The following DLG2 variants were observed in gnomAD, a reference collection of about 807,000 sequenced individuals.
DLG2 encodes the protein disks large homolog 2.
In DLG2, 45 loss-of-function variants were observed where a neutral mutation model predicts 132.5. The observed-to-expected ratio is 0.34, with a 90% CI of 0.27 to 0.44. DLG2 has a LOEUF of 0.44. Ranked by LOEUF, DLG2 falls within the 20% of genes least tolerant of loss-of-function variation. The probability of loss-of-function intolerance (pLI) is 1.00; values close to 1 mark genes in which losing one functional copy is unlikely to be tolerated. For missense variants in DLG2, 1,045 were observed against 1,196.9 expected (o/e 0.87, Z 1.87); for synonymous variants, 424 against 419.6 (o/e 1.01, Z -0.13).
intron 17 of DLG2, among the ~76,000 whole-genome samples, chr11:83,797,105 G>T (rs2043005061): frequency 6.6e-6 from 1 of 152,032 alleles, no homozygotes; most frequent in South Asian, 2.1e-4. Context: ...AGAAAGGGAG[G>T]CACATATGGA....
chr11:83,577,857 A>G (rs2096904582), intron 19 of DLG2, among the ~76,000 whole-genome samples: 1 of 121,824 alleles, frequency 8.2e-6, no homozygotes, highest in Admixed American at 1.0e-4. Context: ...TAAATATATA[A>G]TTATATTATA....
At chr11:84,154,069 C>A (rs966883430) in intron 9 of DLG2, among the ~76,000 whole-genome samples, 4 of 152,142 alleles carry the variant, frequency 2.6e-5, no homozygotes, top group African/African-American at 9.7e-5. Context: ...GTGATGTCAG[C>A]TCACTGCAGC....
chr11:83,884,779 C>T (rs542324742), intron 15 of DLG2, among the ~76,000 whole-genome samples: 3 of 152,252 alleles, frequency 2.0e-5, no homozygotes, highest in East Asian at 1.9e-4. Flanking sequence ...CATCAGCATT[C>T]GCGGTTCACA....
At chr11:84,536,350 G>T (rs140320605) in intron 6 of DLG2, among the ~76,000 whole-genome samples, 1 of 151,766 alleles carries the variant, frequency 6.6e-6, no homozygotes, top group East Asian at 1.9e-4. Flanking sequence ...GTTATCATCA[G>T]CCTCTCCTCT....
Position 85,387,247 on chromosome 11 carries a change from A to T in DLG2, c.41-101882T>A, listed in dbSNP as rs558624360. 2.6e-5 allele frequency among the ~76,000 whole-genome samples: 4 copies of T among 152,328 alleles called. No individual in the cohort carries two copies. The East Asian group carries it at 7.7e-4, about 29-fold the overall frequency. ...CATTCCAGTGCACACCAATTATTGC[A>T]AATTGTACTCTACAACATTTTTATA... On this transcript the variant is annotated intron_variant, in intron 3 of 27. Coordinates refer to ENST00000376104, the MANE Select transcript of DLG2 (RefSeq NM_001142699.3).
intron 21 of DLG2, among the ~76,000 whole-genome samples, chr11:83,491,497 T>C (rs1267565948): frequency 6.6e-6 from 1 of 152,062 alleles, no homozygotes; most frequent in African/African-American, 2.4e-5. Flanking sequence ...CCCCCATTTA[T>C]GTTATTTCTA....
chr11:84,749,734 A>G (rs995685788), intron 6 of DLG2, among the ~76,000 whole-genome samples: 2 of 152,158 alleles, frequency 1.3e-5, no homozygotes, highest in Admixed American at 1.3e-4. Flanking sequence ...TTAAAAAAAT[A>G]TATATAAGGA....
At chr11:84,331,161 C>A (rs186105218) in intron 7 of DLG2, among the ~76,000 whole-genome samples, 101 of 152,298 alleles carry the variant, frequency 6.6e-4, no homozygotes, top group African/African-American at 2.3e-3. Context: ...TCCATTTCTT[C>A]TGGCTGTGGA....
At chr11:84,688,657 C>T (rs2057653127) in intron 6 of DLG2, among the ~76,000 whole-genome samples, 1 of 152,134 alleles carries the variant, frequency 6.6e-6, no homozygotes, top group African/African-American at 2.4e-5. Context: ...ATACTATACA[C>T]TTAAAATTTA....
intron 6 of DLG2, among the ~76,000 whole-genome samples, chr11:84,767,375 A>G (rs2068581368): frequency 6.6e-6 from 1 of 152,040 alleles, no homozygotes; most frequent in African/African-American, 2.4e-5. Context: ...TCCATAAACT[A>G]CCACGTTTAT....
chr11:85,257,351 C>A (rs964227798), intron 4 of DLG2, among the ~76,000 whole-genome samples: 1 of 152,100 alleles, frequency 6.6e-6, no homozygotes, highest in African/African-American at 2.4e-5. Flanking sequence ...CTTAGAAGTA[C>A]CTTTTTCTAT....
chr11:85,430,126 A>G (rs1565481803), intron 3 of DLG2, among the ~76,000 whole-genome samples: 1 of 149,716 alleles, frequency 6.7e-6, no homozygotes, highest in Non-Finnish European at 1.5e-5. Context: ...ACCAAACACC[A>G]CATGTTCTCA....
chr11:84,222,595 C>G (rs994974257), intron 8 of DLG2, among the ~76,000 whole-genome samples: 2 of 152,094 alleles, frequency 1.3e-5, no homozygotes, highest in East Asian at 3.9e-4. Context: ...ACATGTATCA[C>G]CTAACCTTAT....
chr11:83,633,048 T>C (rs2063846229), intron 19 of DLG2, 163 bp downstream of exon 19: 1 of 601,998 alleles, frequency 1.7e-6, no homozygotes, highest in Non-Finnish European at 2.9e-6. Flanking sequence ...TCTAATAACA[T>C]TTCAAACATT....
Position 84,273,328 on chromosome 11 carries a change from A to C in DLG2, c.520-22037T>G, listed in dbSNP as rs894438725. On this transcript the variant is annotated intron_variant, in intron 7 of 27. Transcript: ENST00000376104. ...GAGGAAAAAAAAAAAAAAAAAAAAA[A>C]ACCCTGCAGATCTGTTACATAAACT... 12 of 1,369,438 alleles carry C rather than the reference A, an allele frequency of 8.8e-6. No homozygotes were observed. The African/African-American group carries it at 1.5e-4, about 17-fold the overall frequency. 84.8% of individuals were successfully genotyped at this position (1,369,438 alleles called of 1,614,324 possible).
At chr11:83,590,184 TAC>T (rs2097162827) in intron 19 of DLG2, among the ~76,000 whole-genome samples, 1 of 148,910 alleles carries the variant, frequency 6.7e-6, no homozygotes, top group Non-Finnish European at 1.5e-5. Flanking sequence ...CAACAGAATA[TAC>T]ATTTTTTTCA....
intron 21 of DLG2, among the ~76,000 whole-genome samples, chr11:83,499,437 G>A (rs1203788874): frequency 6.6e-6 from 1 of 151,990 alleles, no homozygotes; most frequent in Non-Finnish European, 1.5e-5. Flanking sequence ...ATTTCTAAAG[G>A]TTAAATTATT....
intron 3 of DLG2, among the ~76,000 whole-genome samples, chr11:85,317,949 C>A (rs1565314638): frequency 6.6e-6 from 1 of 151,674 alleles, no homozygotes; most frequent in Non-Finnish European, 1.5e-5. Context: ...TGTAAGTGTG[C>A]ACATCTGTGT....
chr11:84,792,816 T>G (rs1227521144), intron 6 of DLG2, among the ~76,000 whole-genome samples: 1 of 152,126 alleles, frequency 6.6e-6, no homozygotes, highest in Non-Finnish European at 1.5e-5. Context: ...TCTCTTTTGC[T>G]CTTAGTCTGG....
Sources: gnomAD v4.1 joint callset for allele counts (sites outside exome capture counted in the v4.1 genomes callset) on GRCh38, gnomAD v4.1.1 for gene constraint, MANE v1.5 for transcripts, NCBI Gene and HGNC (gene_info 2026-07-23, HGNC 2026-07-21) for gene names.